METTL16: variants seen among roughly 807,000 people sequenced by gnomAD.
METTL16 encodes the protein methyltransferase 16, RNA N6-adenosine.
Under a neutral mutation model 57.9 loss-of-function variants are expected in METTL16, and 19 were observed. The observed-to-expected ratio is 0.33, with a 90% CI of 0.23 to 0.48. The LOEUF (loss-of-function observed/expected upper bound fraction) is 0.48. Among genes scored for constraint, METTL16 ranks in the 20% least tolerant of loss-of-function variants. The pLI is 0.99. For missense variants in METTL16, 434 were observed against 691.5 expected (o/e 0.63, Z 4.18); for synonymous variants, 246 against 255.6 (o/e 0.96, Z 0.36).
chr17:2,447,554 G>C (rs1246853064), intron 6 of METTL16, among the ~76,000 whole-genome samples: 3 of 116,228 alleles, frequency 2.6e-5, no homozygotes, highest in Non-Finnish European at 3.4e-5. Context: ...TGCCTGGCCA[G>C]TCGCCCCGTC....
intron 7 of METTL16, among the ~76,000 whole-genome samples, chr17:2,440,593 GA>G (rs61356067): frequency 0.26 from 38,925 of 151,442 alleles, 8,064 homozygotes; most frequent in African/African-American, 0.57. Flanking sequence ...GTAGATATAT[GA>G]AAAAAAACCT....
intron 8 of METTL16, among the ~76,000 whole-genome samples, chr17:2,431,984 G>T (rs926612364): frequency 1.7e-4 from 26 of 150,830 alleles, no homozygotes; most frequent in Non-Finnish European, 3.4e-4. Flanking sequence ...TTGCTCTGTC[G>T]CCCAGGCTGG....
At chr17:2,448,792 AAAT>A (rs1430866789) in intron 6 of METTL16, among the ~76,000 whole-genome samples, 5 of 99,832 alleles carry the variant, frequency 5.0e-5, no homozygotes, top group African/African-American at 3.1e-4. Flanking sequence ...AAAAAAATAA[AAAT>A]AAAATTTAAA....
intron 7 of METTL16, among the ~76,000 whole-genome samples, chr17:2,440,247 A>G (rs1396392850): frequency 6.6e-6 from 1 of 151,612 alleles, no homozygotes; most frequent in East Asian, 1.9e-4. Flanking sequence ...ACAGAGCAAG[A>G]CACCATCTTT....
At chr17:2,442,396 G>A (rs904230419) in intron 6 of METTL16, among the ~76,000 whole-genome samples, 1 of 152,072 alleles carries the variant, frequency 6.6e-6, no homozygotes, top group Non-Finnish European at 1.5e-5. Flanking sequence ...GTCTTGCTGA[G>A]TTGATGAGAC....
At chr17:2,421,116 G>C (rs1434823097) in intron 8 of METTL16, among the ~76,000 whole-genome samples, 1 of 152,100 alleles carries the variant, frequency 6.6e-6, no homozygotes, top group African/African-American at 2.4e-5. Flanking sequence ...CACTTTGGGG[G>C]GCCATGGCAG....
intron 2 of METTL16, among the ~76,000 whole-genome samples, chr17:2,483,338 T>C (rs912964594): frequency 6.6e-6 from 1 of 152,196 alleles, no homozygotes. Context: ...AAAATGCTGA[T>C]GGAGGTCAAG....
At chr17:2,486,509 G>A (rs2067342458) in intron 2 of METTL16, among the ~76,000 whole-genome samples, 1 of 152,054 alleles carries the variant, frequency 6.6e-6, no homozygotes. Flanking sequence ...CTGACCTCAT[G>A]ATCTGCCCGC....
intron 2 of METTL16, among the ~76,000 whole-genome samples, chr17:2,482,369 A>G (rs1293174936): frequency 6.6e-6 from 1 of 152,258 alleles, no homozygotes; most frequent in Non-Finnish European, 1.5e-5. Flanking sequence ...GACTTACTGT[A>G]TAGCAAAACA....
chr17:2,438,980 C>T (rs1009496983), intron 7 of METTL16, among the ~76,000 whole-genome samples: 4 of 152,158 alleles, frequency 2.6e-5, no homozygotes, highest in Non-Finnish European at 4.4e-5. Context: ...AGAGAGAAAC[C>T]AGAGACCAGA....
rs182146936 is a variant in METTL16, at chr17:2,476,187, A to C, written c.328+1499T>G. On this transcript the variant is annotated intron_variant, in intron 3 of 9. Transcript: ENST00000263092. ...CAAAGAGAACCAGGATTAGGGAAAC[A>C]GAGTGTGGGTTTGGTCTTGGACATA... 8.1e-4 allele frequency among the ~76,000 whole-genome samples: 123 copies of C among 152,336 alleles called. 1 individual carries two copies. Among genetic ancestry groups the C allele is most frequent in the Non-Finnish European group, 1.6e-3 (111 of 68,026 alleles).
intron 6 of METTL16, among the ~76,000 whole-genome samples, chr17:2,458,805 C>CTT (rs58409318): frequency 1.4e-5 from 2 of 146,632 alleles, no homozygotes; most frequent in Non-Finnish European, 1.5e-5. Flanking sequence ...GGGTGAGTCC[C>CTT]TTTTTTTTTT....
intron 8 of METTL16, among the ~76,000 whole-genome samples, chr17:2,432,130 G>T (rs2066877782): frequency 6.6e-6 from 1 of 152,158 alleles, no homozygotes; most frequent in Admixed American, 6.5e-5. Context: ...ATTTTTAGTA[G>T]AGACGGAGGG....
rs539481897 is a variant in METTL16 at position 2,494,053 on chromosome 17, T to A, written c.128+8151A>T. Among the ~76,000 whole-genome samples, 6 of 152,354 alleles carry A rather than the reference T, an allele frequency of 3.9e-5. No individual in the cohort carries two copies. The South Asian group carries it at 1.2e-3, about 32-fold the overall frequency. The stretch of plus-strand genomic sequence containing the variant: ...TTTAAAGATTACTTTTAATTTCTTT[T>A]CTTTTTGTTTTTGACAGAGTCTCGC... On this transcript the variant is annotated intron_variant, in intron 2 of 9. Transcript: ENST00000263092.
At chr17:2,464,067 G>A (rs1488355362) in intron 6 of METTL16, 141 bp downstream of exon 6, 1 of 769,846 alleles carries the variant, frequency 1.3e-6, no homozygotes, top group East Asian at 3.0e-5. Context: ...AGGTTGCAGT[G>A]AGCTGAGATC....
intron 1 of METTL16, among the ~76,000 whole-genome samples, chr17:2,509,660 C>A (rs1197389555): frequency 6.6e-6 from 1 of 152,148 alleles, no homozygotes; most frequent in Non-Finnish European, 1.5e-5. Context: ...GAGGCCAAGA[C>A]TGGAGGATCA....
chr17:2,460,729 T>TA (rs1479115523), intron 6 of METTL16, among the ~76,000 whole-genome samples: 2 of 151,810 alleles, frequency 1.3e-5, no homozygotes, highest in Non-Finnish European at 2.9e-5. Flanking sequence ...CTACTAAAAA[T>TA]ACAAAATTAG....
chr17:2,473,486 G>A (rs769666861), intron 4 of METTL16, 38 bp downstream of exon 4: 1 of 1,573,920 alleles, frequency 6.4e-7, no homozygotes. Flanking sequence ...GGCAGGTGAA[G>A]ACACAAAGTT....
chr17:2,502,310 G>T lies in METTL16; in HGVS notation c.22C>A (p.His8Asn). The change falls in exon 2 of 10, where the codon CAT (histidine) becomes AAT (asparagine). Residue 8 changes from histidine to asparagine, a missense_variant. Coordinates refer to ENST00000263092, the MANE Select transcript of METTL16 (RefSeq NM_024086.4). ...TTGTCCTTGTATCTATTTCTTGCATGCATTGATTTACTCAGAGCCATCTTA... is the reference window on the plus strand; with the variant it reads ...TTGTCCTTGTATCTATTTCTTGCATTCATTGATTTACTCAGAGCCATCTTA... Reference protein sequence around the residue: MALSKSMHARNRYKDKPP... With the variant: MALSKSMNARNRYKDKPP... 1 of 1,613,462 alleles carries T rather than the reference G, an allele frequency of 6.2e-7. No homozygotes were observed.
Sources: allele counts gnomAD v4.1 joint callset (sites outside exome capture counted in the v4.1 genomes callset), GRCh38; gene constraint gnomAD v4.1.1; transcripts MANE v1.5; gene names NCBI Gene and HGNC (gene_info 2026-07-23, HGNC 2026-07-21).